SGCG: variants seen among roughly 807,000 people sequenced by gnomAD.
The protein encoded by SGCG is gamma-sarcoglycan.
A neutral mutation model predicts 29.3 loss-of-function variants in SGCG; 26 were observed. The ratio of observed to expected loss-of-function variants is 0.89; its 90% CI spans 0.65 to 1.23. SGCG has a LOEUF of 1.23. SGCG is among the 50% of genes most tolerant of loss of function. The probability of loss-of-function intolerance (pLI) is 0.00; values close to 1 mark genes in which losing one functional copy is unlikely to be tolerated. For synonymous variants in SGCG, 145 were observed against 129.7 expected, an observed-to-expected ratio of 1.12 and a Z score of -0.80; for missense variants, 353 against 356.0, an observed-to-expected ratio of 0.99 and a Z score of 0.07.
rs570739219 is a variant in SGCG at position 23,258,505 on chromosome 13, T to C, written c.385+7788T>C. On this transcript the variant is annotated intron_variant, in intron 4 of 7. Coordinates refer to ENST00000218867, the MANE Select transcript of SGCG (RefSeq NM_000231.3). ...ATGTCATCTGCAAATAGGGACAATT[T>C]GACCTCCTCTTTTCCTCACTGAATA... is the stretch of plus-strand genomic sequence containing the variant. 6.6e-5 allele frequency among the ~76,000 whole-genome samples: 10 copies of C among 152,314 alleles called. No homozygotes were observed. In the East Asian group the frequency reaches 1.7e-3, roughly 26 times the overall value.
intron 1 of SGCG, among the ~76,000 whole-genome samples, chr13:23,182,434 T>G (rs1395340717): frequency 6.6e-6 from 1 of 152,090 alleles, no homozygotes; most frequent in Non-Finnish European, 1.5e-5. Context: ...GAACCCACCT[T>G]GACCTTCATG....
At chr13:23,261,418 C>T (rs1292906020) in intron 4 of SGCG, among the ~76,000 whole-genome samples, 3 of 151,562 alleles carry the variant, frequency 2.0e-5, no homozygotes, top group Non-Finnish European at 2.9e-5. Flanking sequence ...TTTCAGAGCT[C>T]GAAGACAAGT....
chr13:23,279,763 T>G (rs1357158154), intron 5 of SGCG, among the ~76,000 whole-genome samples: 2 of 151,984 alleles, frequency 1.3e-5, no homozygotes, highest in Admixed American at 6.6e-5. Flanking sequence ...AGTCTCGCTC[T>G]GTTGCCCAGG....
chr13:23,284,690 T>C (rs1026910815), intron 5 of SGCG, among the ~76,000 whole-genome samples: 3 of 152,222 alleles, frequency 2.0e-5, no homozygotes, highest in African/African-American at 7.2e-5. Context: ...AGAGGCATTC[T>C]GGTTTTTGGA....
Position 23,252,551 on chromosome 13 carries a change from C to T in SGCG, c.385+1834C>T, listed in dbSNP as rs189743223. 9.5e-4 allele frequency among the ~76,000 whole-genome samples: 144 copies of T among 152,082 alleles called. 2 individuals carry two copies. The highest frequency in any genetic ancestry group is 1.2e-3 in the Admixed American group (18 of 15,282). On this transcript the variant is annotated intron_variant, in intron 4 of 7. Coordinates refer to ENST00000218867, the MANE Select transcript of SGCG (RefSeq NM_000231.3). ...CTAAAAATACTAAAAATTAGCCGGG[C>T]GTGGTGGCGGTCGCCTGTAGTCTCA...
chr13:23,281,395 C>A (rs1421011062), intron 5 of SGCG, among the ~76,000 whole-genome samples: 3 of 151,428 alleles, frequency 2.0e-5, no homozygotes, highest in Non-Finnish European at 4.4e-5. Context: ...AGTGCTGGGC[C>A]TCATCCCCAG....
chr13:23,188,480 A>ATTTTT (rs71218545), intron 1 of SGCG, among the ~76,000 whole-genome samples: 2 of 120,492 alleles, frequency 1.7e-5, no homozygotes, highest in African/African-American at 3.5e-5. Context: ...CGCCTGCCTA[A>ATTTTT]TTTTTTTTTT....
chr13:23,252,711 AAC>A (rs1377847634), intron 4 of SGCG, among the ~76,000 whole-genome samples: 12 of 152,120 alleles, frequency 7.9e-5, no homozygotes, highest in East Asian at 1.9e-4. Flanking sequence ...AAACAAAACA[AAC>A]AAACAAAAAA....
chr13:23,259,341 T>C (rs1231575205), intron 4 of SGCG, among the ~76,000 whole-genome samples: 1 of 152,196 alleles, frequency 6.6e-6, no homozygotes. Flanking sequence ...GAGGTGTTTA[T>C]AGTATTCTCT....
chr13:23,254,715 G>A (rs182169698), intron 4 of SGCG, among the ~76,000 whole-genome samples: 61 of 152,226 alleles, frequency 4.0e-4, no homozygotes, highest in Admixed American at 9.8e-4. Flanking sequence ...AGAGATCTTC[G>A]TGACAGCCCA....
chr13:23,298,053 C>T (rs370737742), intron 6 of SGCG, among the ~76,000 whole-genome samples: 1 of 149,654 alleles, frequency 6.7e-6, no homozygotes, highest in African/African-American at 2.4e-5. Context: ...CCAACAATCA[C>T]TTTTTAAATT....
At chr13:23,273,012 TTTTA>T (rs1290837184) in intron 4 of SGCG, among the ~76,000 whole-genome samples, 4 of 152,162 alleles carry the variant, frequency 2.6e-5, no homozygotes, top group Non-Finnish European at 5.9e-5. Context: ...TTAGCTAGTG[TTTTA>T]TTTATTTTGC....
rs117213568 is a variant in SGCG, at chr13:23,271,738, A to T, written c.386-7621A>T. 8.0e-4 allele frequency among the ~76,000 whole-genome samples: 122 copies of T among 152,326 alleles called. No homozygotes were observed. The East Asian group carries it at 0.022, about 27-fold the overall frequency. ...TTTATTGGCATTATTACTGTATTGC[A>T]TTGAATTTATAAATTAACTCTGGAA... On this transcript the variant is annotated intron_variant, in intron 4 of 7. Coordinates refer to ENST00000218867, the MANE Select transcript of SGCG (RefSeq NM_000231.3).
chr13:23,307,930 G>A lies in SGCG; in HGVS notation c.578+12443G>A, dbSNP rs536040511. Among the ~76,000 whole-genome samples, 26 of 152,108 alleles carry A rather than the reference G, an allele frequency of 1.7e-4. No homozygotes were observed. The East Asian group carries it at 4.1e-3, about 24-fold the overall frequency. ...AAGTTTTTATGTACAAAAACATTCCGTAGAGAAGTGAGAAAATAAAAATAA... is the reference window on the plus strand; with the variant it reads ...AAGTTTTTATGTACAAAAACATTCCATAGAGAAGTGAGAAAATAAAAATAA... On this transcript the variant is annotated intron_variant, in intron 6 of 7. Coordinates refer to ENST00000218867, the MANE Select transcript of SGCG (RefSeq NM_000231.3).
At chr13:23,254,733 A>G (rs1028505608) in intron 4 of SGCG, among the ~76,000 whole-genome samples, 4 of 152,158 alleles carry the variant, frequency 2.6e-5, no homozygotes, top group Admixed American at 6.5e-5. Flanking sequence ...CCATTCCATC[A>G]CGGGCACAGA....
At chr13:23,162,550 C>A in the SGCG span, among the ~76,000 whole-genome samples, 1 of 151,898 alleles carries the variant, frequency 6.6e-6, no homozygotes, top group East Asian at 1.9e-4. Context: ...GGCGTGAACC[C>A]GGGAGGCGGA....
At chr13:23,320,847 T>C (rs1883011105) in intron 7 of SGCG, 87 bp downstream of exon 7, 1 of 1,389,010 alleles carries the variant, frequency 7.2e-7, no homozygotes, top group Admixed American at 1.7e-5. Context: ...GTATTAAATT[T>C]CTAGTAGTTT....
chr13:23,265,133 A>G (rs1593206020), intron 4 of SGCG, among the ~76,000 whole-genome samples: 1 of 152,300 alleles, frequency 6.6e-6, no homozygotes, highest in South Asian at 2.1e-4. Flanking sequence ...CAGACAGCCT[A>G]TAGAATGGGA....
the SGCG span, among the ~76,000 whole-genome samples, chr13:23,167,117 T>A: frequency 1.3e-5 from 2 of 152,212 alleles, no homozygotes; most frequent in Admixed American, 6.5e-5. Context: ...TGTTTTGATT[T>A]TTAGATGCCG....
Sources: gnomAD v4.1 joint callset for allele counts (sites outside exome capture counted in the v4.1 genomes callset) on GRCh38, gnomAD v4.1.1 for gene constraint, MANE v1.5 for transcripts, NCBI Gene and HGNC (gene_info 2026-07-23, HGNC 2026-07-21) for gene names.